The following CDH6 variants were observed in gnomAD, a reference collection of about 807,000 sequenced individuals.
The protein encoded by CDH6 is cadherin 6, also known as cadherin-6.
A neutral mutation model predicts 78.0 loss-of-function variants in CDH6; 31 were observed. The ratio of observed to expected loss-of-function variants is 0.40; its 90% CI spans 0.30 to 0.54. The LOEUF is 0.54. Among genes scored for constraint, CDH6 ranks in the 20% least tolerant of loss-of-function variants. The pLI is 0.56. For missense variants in CDH6, 724 were observed against 975.9 expected (o/e 0.74, Z 3.44); for synonymous variants, 376 against 368.8 (o/e 1.02, Z -0.23).
intron 6 of CDH6, among the ~76,000 whole-genome samples, chr5:31,303,692 T>G (rs1182393410): frequency 2.0e-5 from 3 of 152,210 alleles, no homozygotes; most frequent in African/African-American, 7.2e-5. Flanking sequence ...ATTTTCTCTC[T>G]CCTTTAGCAT....
intron 1 of CDH6, among the ~76,000 whole-genome samples, chr5:31,243,047 A>G (rs1319324103): frequency 6.6e-6 from 1 of 152,180 alleles, no homozygotes; most frequent in Admixed American, 6.5e-5. Context: ...AACCAAGCCA[A>G]TAGAACCCAG....
chr5:31,279,941 C>A (rs1742808330), intron 2 of CDH6, among the ~76,000 whole-genome samples: 1 of 152,152 alleles, frequency 6.6e-6, no homozygotes, highest in South Asian at 2.1e-4. Context: ...ATTACCAATC[C>A]ACTTGCCTCT....
chr5:31,316,695 A>G (rs546700751), intron 9 of CDH6, among the ~76,000 whole-genome samples: 24 of 152,348 alleles, frequency 1.6e-4, no homozygotes, highest in Admixed American at 1.5e-3. Context: ...ACTTATTTAC[A>G]TTGACCATCT....
intron 1 of CDH6, among the ~76,000 whole-genome samples, chr5:31,195,503 T>C (rs1740140640): frequency 6.6e-6 from 1 of 152,214 alleles, no homozygotes; most frequent in Admixed American, 6.6e-5. Context: ...AAAAAAAATC[T>C]CTTCCAGTTT....
intron 7 of CDH6, among the ~76,000 whole-genome samples, chr5:31,310,384 GC>G (rs1738113857): frequency 6.6e-6 from 1 of 152,210 alleles, no homozygotes; most frequent in African/African-American, 2.4e-5. Context: ...GAAAGATACA[GC>G]CCCCGAGGCT....
chr5:31,265,769 GTTTTTTTTTTTT>G (rs35184792), intron 1 of CDH6, among the ~76,000 whole-genome samples: 1 of 78,408 alleles, frequency 1.3e-5, no homozygotes, highest in African/African-American at 5.2e-5. Context: ...TTAAGACAAT[GTTTTTTTTTTTT>G]TTTTTTTTTT....
intron 2 of CDH6, among the ~76,000 whole-genome samples, chr5:31,269,047 T>C (rs757429121): frequency 8.5e-5 from 13 of 152,220 alleles, no homozygotes; most frequent in Non-Finnish European, 1.5e-4. Context: ...CCATTTCCTT[T>C]GTGAAATCTG....
At chr5:31,275,312 C>A (rs1361974067) in intron 2 of CDH6, among the ~76,000 whole-genome samples, 1 of 152,126 alleles carries the variant, frequency 6.6e-6, no homozygotes, top group Non-Finnish European at 1.5e-5. Context: ...GAGCATAGTA[C>A]TCTACAGTTA....
chr5:31,290,732 C>T (rs1743133104), intron 2 of CDH6, among the ~76,000 whole-genome samples: 5 of 152,070 alleles, frequency 3.3e-5, no homozygotes, highest in Admixed American at 2.0e-4. Context: ...GGAGAAAAAG[C>T]AGAGGCTTTG....
chr5:31,274,315 T>C (rs1742625412), intron 2 of CDH6, among the ~76,000 whole-genome samples: 1 of 152,192 alleles, frequency 6.6e-6, no homozygotes, highest in Non-Finnish European at 1.5e-5. Context: ...GCTCTTAAAC[T>C]TCCCTCTGTG....
Position 31,294,698 on chromosome 5 carries a change from A to G in CDH6, c.523+442A>G, listed in dbSNP as rs1393305937. Among the ~76,000 whole-genome samples, 2 of 152,222 alleles carry G rather than the reference A, an allele frequency of 1.3e-5. No homozygotes were observed. Among genetic ancestry groups the G allele is most frequent in the African/African-American group, 2.4e-5 (1 of 41,458 alleles). ...GTTGCTTTAAGTAACTAGTAACTGT[A>G]TATTTGGGAAGGAGATCAAAGAACT... On this transcript the variant is annotated intron_variant, in intron 3 of 11. Transcript: ENST00000265071. This position sits in a 1 kb window ranked among gnomAD's most constrained non-coding sequence, Gnocchi z 4.1.
intron 1 of CDH6, among the ~76,000 whole-genome samples, chr5:31,210,943 C>T (rs1740688400): frequency 6.6e-6 from 1 of 151,978 alleles, no homozygotes; most frequent in African/African-American, 2.4e-5. Context: ...TAAACTATAG[C>T]TTTAGAGGTA....
At chr5:31,263,982 C>A (rs537234205) in intron 1 of CDH6, among the ~76,000 whole-genome samples, 2 of 152,284 alleles carry the variant, frequency 1.3e-5, no homozygotes, top group East Asian at 3.9e-4. Context: ...AATATAGATT[C>A]TATGAATGAG....
chr5:31,214,558 A>C (rs1170409460), intron 1 of CDH6, among the ~76,000 whole-genome samples: 2 of 152,214 alleles, frequency 1.3e-5, no homozygotes, highest in Non-Finnish European at 1.5e-5. Context: ...GCTCAGGATC[A>C]GAAAGAAATT....
intron 1 of CDH6, among the ~76,000 whole-genome samples, chr5:31,226,017 C>T (rs1741141823): frequency 6.6e-6 from 1 of 152,118 alleles, no homozygotes; most frequent in South Asian, 2.1e-4. Context: ...ACATCCTGCC[C>T]TGGTCCTTTG....
At chr5:31,289,923 C>G (rs745513549) in intron 2 of CDH6, among the ~76,000 whole-genome samples, 1 of 152,008 alleles carries the variant, frequency 6.6e-6, no homozygotes, top group Non-Finnish European at 1.5e-5. Context: ...GGAGCTACAT[C>G]TACAACCAAA....
chr5:31,266,323 C>A (rs2149932905), intron 1 of CDH6, among the ~76,000 whole-genome samples: 1 of 152,124 alleles, frequency 6.6e-6, no homozygotes, highest in African/African-American at 2.4e-5. Context: ...TAATAGCTGA[C>A]TTTTTTGTTA....
At chr5:31,208,897 A>T (rs1740614459) in intron 1 of CDH6, among the ~76,000 whole-genome samples, 1 of 152,202 alleles carries the variant, frequency 6.6e-6, no homozygotes, top group South Asian at 2.1e-4. Context: ...CTGATTATGT[A>T]GTCCAATTTC....
At chr5:31,263,354 G>A (rs745657964) in intron 1 of CDH6, among the ~76,000 whole-genome samples, 2 of 151,316 alleles carry the variant, frequency 1.3e-5, no homozygotes, top group Non-Finnish European at 2.9e-5. Flanking sequence ...CGCATCCTGG[G>A]TTCAAGCGCC....
Sources: gnomAD v4.1 joint callset for allele counts (sites outside exome capture counted in the v4.1 genomes callset) on GRCh38, gnomAD v4.1.1 for gene constraint, Gnocchi (gnomAD v3.1) non-coding constraint, MANE v1.5 for transcripts, NCBI Gene and HGNC (gene_info 2026-07-23, HGNC 2026-07-21) for gene names.